The following P3H2 variants were observed in gnomAD, a reference collection of about 807,000 sequenced individuals.
P3H2 encodes the protein leprecan-like 1.
Under a neutral mutation model 87.0 loss-of-function variants are expected in P3H2, and 80 were observed. The ratio of observed to expected loss-of-function variants is 0.92; its 90% confidence interval spans 0.77 to 1.11. The LOEUF (loss-of-function observed/expected upper bound fraction) is 1.11, where lower values mean the gene tolerates loss of function less well. Ranked by LOEUF, P3H2 falls within the 50% of genes least tolerant of loss-of-function variation. P3H2 has a pLI of 0.00. For missense variants in P3H2, 1,001 were observed against 923.9 expected (o/e 1.08, Z -1.08); for synonymous variants, 367 against 359.3 (o/e 1.02, Z -0.24).
At position 190,120,752 on chromosome 3, in the gene P3H2, G is replaced by C; in HGVS notation, c.-21C>G. On this transcript the variant is annotated 5_prime_UTR_variant, in exon 1 of 15. Transcript: ENST00000319332. ...CGCATCCTCCGCCTCAGAGAGGCGC[G>C]GGACGGTTACGCTCGAGAGGGCTTC... The C allele has an allele frequency of 6.6e-7, 1 of 1,516,480 alleles. No individual in the cohort carries two copies. Among genetic ancestry groups the C allele is most frequent in the Non-Finnish European group, 8.8e-7 (1 of 1,139,498 alleles). The allele number at this position is 1,516,480 out of a possible 1,614,324, so 93.9% of individuals were successfully genotyped here.
At chr3:190,100,760 A>C (rs768444712) in intron 1 of P3H2, among the ~76,000 whole-genome samples, 4 of 152,168 alleles carry the variant, frequency 2.6e-5, no homozygotes, top group Non-Finnish European at 5.9e-5. Flanking sequence ...CAAAACTATG[A>C]TCAAGTGCAG....
rs369674340 is a variant in P3H2 at position 190,011,017 on chromosome 3, AAT to A, written c.481-15577_481-15576del. Among the ~76,000 whole-genome samples the A allele has an allele frequency of 4.3e-4, 65 of 152,310 alleles. No individual in the cohort carries two copies. In the East Asian group the frequency reaches 9.1e-3, roughly 21 times the overall value. On this transcript the variant is annotated intron_variant, in intron 1 of 14. Transcript: ENST00000319332. ...AGAATGGGAAACAAAGTTAAGAAAA[AAT>A]ATAGTTCCTTGGGAGGCCAAAGCAG... is the stretch of plus-strand genomic sequence containing the variant.
chr3:190,030,704 T>A (rs1725224994), intron 1 of P3H2, among the ~76,000 whole-genome samples: 1 of 152,110 alleles, frequency 6.6e-6, no homozygotes, highest in Admixed American at 6.5e-5. Flanking sequence ...AAAGTAAACA[T>A]GCTATAGTAA....
At chr3:190,020,770 C>G (rs1724908696) in intron 1 of P3H2, among the ~76,000 whole-genome samples, 1 of 133,818 alleles carries the variant, frequency 7.5e-6, no homozygotes, top group Non-Finnish European at 1.7e-5. Context: ...TGCTGAAGTG[C>G]TTGAAGCCTA....
intron 1 of P3H2, among the ~76,000 whole-genome samples, chr3:190,119,201 G>A (rs558322833): frequency 3.3e-4 from 44 of 134,880 alleles, no homozygotes; most frequent in Non-Finnish European, 6.0e-4. Flanking sequence ...GGAGGGGAGA[G>A]GAGAGGAGAA....
chr3:190,017,161 G>A (rs1724781839), intron 1 of P3H2, among the ~76,000 whole-genome samples: 1 of 152,070 alleles, frequency 6.6e-6, no homozygotes, highest in South Asian at 2.1e-4. Flanking sequence ...CAGCTGTCCT[G>A]TCAGTCAGGA....
chr3:190,085,118 T>C (rs759440899), intron 1 of P3H2, among the ~76,000 whole-genome samples: 2 of 152,156 alleles, frequency 1.3e-5, no homozygotes, highest in Non-Finnish European at 2.9e-5. Flanking sequence ...GGTGAAATTC[T>C]CATCTGTGGG....
intron 14 of P3H2, among the ~76,000 whole-genome samples, chr3:189,962,473 C>T (rs1722848896): frequency 6.6e-6 from 1 of 152,192 alleles, no homozygotes; most frequent in African/African-American, 2.4e-5. Flanking sequence ...CCACGCCCAG[C>T]CAGGGCCATT....
chr3:190,075,479 C>G (rs372747397), intron 1 of P3H2, among the ~76,000 whole-genome samples: 2 of 144,744 alleles, frequency 1.4e-5, no homozygotes, highest in African/African-American at 5.3e-5. Flanking sequence ...GAGGGAAACT[C>G]CGTCTCAAAA....
chr3:190,084,704 T>C (rs983827687), intron 1 of P3H2, among the ~76,000 whole-genome samples: 1 of 152,214 alleles, frequency 6.6e-6, no homozygotes, highest in Non-Finnish European at 1.5e-5. Context: ...CATTTCTTTA[T>C]TTCTCCTATA....
intron 1 of P3H2, among the ~76,000 whole-genome samples, chr3:190,000,819 C>T (rs1724188163): frequency 6.6e-6 from 1 of 152,056 alleles, no homozygotes; most frequent in African/African-American, 2.4e-5. Context: ...AAATGTCATT[C>T]TAAGTGCACA....
At chr3:189,988,473 T>C (rs1485914886) in intron 4 of P3H2, among the ~76,000 whole-genome samples, 6 of 152,288 alleles carry the variant, frequency 3.9e-5, no homozygotes, top group East Asian at 1.9e-4. Context: ...GAGATGACTC[T>C]GATTTTTAAA....
chr3:190,102,822 T>C (rs941270087), intron 1 of P3H2, among the ~76,000 whole-genome samples: 1 of 151,682 alleles, frequency 6.6e-6, no homozygotes, highest in Admixed American at 6.6e-5. Context: ...AAAGGAAGAG[T>C]TAATTAATGG....
intron 8 of P3H2, among the ~76,000 whole-genome samples, chr3:189,981,676 G>A (rs557945498): frequency 6.6e-6 from 1 of 152,130 alleles, no homozygotes; most frequent in African/African-American, 2.4e-5. Context: ...TCAGTTGCTG[G>A]ACACCAGATT....
At chr3:190,034,991 G>A (rs1725373578) in intron 1 of P3H2, among the ~76,000 whole-genome samples, 1 of 151,544 alleles carries the variant, frequency 6.6e-6, no homozygotes. Flanking sequence ...TGGGATTACA[G>A]GCATGTACCA....
chr3:189,973,260 T>C, intron 10 of P3H2: 1 of 508,014 alleles, frequency 2.0e-6, no homozygotes, highest in Admixed American at 3.3e-5. Flanking sequence ...TATTATAATA[T>C]GTTCTACCAT....
intron 1 of P3H2, among the ~76,000 whole-genome samples, chr3:190,117,355 A>G (rs1712330213): frequency 6.6e-6 from 1 of 152,234 alleles, no homozygotes; most frequent in Non-Finnish European, 1.5e-5. Context: ...TTGGGGGAGC[A>G]GTAACATCTC....
At chr3:190,007,394 G>T (rs1304487200) in intron 1 of P3H2, among the ~76,000 whole-genome samples, 1 of 152,150 alleles carries the variant, frequency 6.6e-6, no homozygotes, top group Non-Finnish European at 1.5e-5. Context: ...TACAAATTTT[G>T]GTTGTGGGTT....
intron 1 of P3H2, among the ~76,000 whole-genome samples, chr3:190,014,224 C>G (rs571382708): frequency 1.6e-4 from 25 of 152,316 alleles, no homozygotes; most frequent in African/African-American, 6.0e-4. Context: ...GAATGAATAA[C>G]TATTTCAAGT....
Sources: gnomAD v4.1 joint callset for allele counts (sites outside exome capture counted in the v4.1 genomes callset) on GRCh38, gnomAD v4.1.1 for gene constraint, MANE v1.5 for transcripts, NCBI Gene and HGNC (gene_info 2026-07-23, HGNC 2026-07-21) for gene names.